The following PTPRT variants were observed in gnomAD, a reference collection of about 807,000 sequenced individuals.
PTPRT encodes the protein receptor-type tyrosine-protein phosphatase T.
PTPRT carries 56 observed loss-of-function variants against 176.8 expected under a neutral mutation model. That is an observed-to-expected ratio of 0.32 (90% CI 0.26 to 0.40). PTPRT has a LOEUF of 0.40. Ranked by LOEUF, PTPRT falls within the 10% of genes least tolerant of loss-of-function variation. The pLI, the probability that PTPRT is intolerant of heterozygous loss-of-function variation, is 1.00. For synonymous variants in PTPRT, 783 were observed against 739.0 expected, an observed-to-expected ratio of 1.06 and a Z score of -0.96; for missense variants, 1,540 against 1,908.2, an observed-to-expected ratio of 0.81 and a Z score of 3.60.
At chr20:42,970,415 C>T (rs534138872) in intron 1 of PTPRT, among the ~76,000 whole-genome samples, 1 of 152,126 alleles carries the variant, frequency 6.6e-6, no homozygotes, top group African/African-American at 2.4e-5. Context: ...CAAATTATCA[C>T]ATTTTCTCAC....
the PTPRT span, among the ~76,000 whole-genome samples, chr20:42,045,933 A>G: frequency 6.6e-6 from 1 of 152,210 alleles, no homozygotes; most frequent in South Asian, 2.1e-4. Context: ...AGTCTATTTT[A>G]GCAATACACT....
intron 8 of PTPRT, among the ~76,000 whole-genome samples, chr20:42,466,846 C>T (rs552346275): frequency 1.5e-3 from 227 of 152,114 alleles, no homozygotes; most frequent in African/African-American, 5.3e-3. Context: ...AAGTGGTTGG[C>T]CTCAGGTCTG....
At chr20:42,091,793 G>A (rs1020155074) in intron 27 of PTPRT, among the ~76,000 whole-genome samples, 12 of 149,272 alleles carry the variant, frequency 8.0e-5, no homozygotes, top group African/African-American at 3.1e-4. Context: ...GGGAGAAAGA[G>A]AGGGAGAGAG....
At chr20:42,634,142 A>T (rs1438084345) in intron 7 of PTPRT, among the ~76,000 whole-genome samples, 1 of 102,982 alleles carries the variant, frequency 9.7e-6, no homozygotes, top group Non-Finnish European at 1.8e-5. Flanking sequence ...AATTATATAT[A>T]ATATTATATA....
rs145224024 is a variant in PTPRT, at chr20:42,337,293, A to T, written c.1865+13335T>A. 1.4e-4 allele frequency among the ~76,000 whole-genome samples: 21 copies of T among 152,314 alleles called. No homozygotes were observed. In the East Asian group the frequency reaches 3.9e-3, roughly 28 times the overall value. On this transcript the variant is annotated intron_variant, in intron 11 of 30. Coordinates refer to ENST00000373187, the MANE Select transcript of PTPRT (RefSeq NM_007050.6). Reference sequence around the variant, plus strand: ...TTTCTTAGCAGAGCTATTGATGAAAATTATATGACAACAATGAAAAAATGT... The same window carrying T: ...TTTCTTAGCAGAGCTATTGATGAAATTTATATGACAACAATGAAAAAATGT...
At chr20:43,085,677 A>G (rs1302410655) in intron 1 of PTPRT, among the ~76,000 whole-genome samples, 1 of 152,168 alleles carries the variant, frequency 6.6e-6, no homozygotes, top group Non-Finnish European at 1.5e-5. Context: ...AGTTCTCATG[A>G]GACTTATCGA....
intron 1 of PTPRT, among the ~76,000 whole-genome samples, chr20:43,131,812 A>G (rs2013653834): frequency 6.6e-6 from 1 of 152,242 alleles, no homozygotes; most frequent in Admixed American, 6.5e-5. Context: ...ATAACGCATC[A>G]TGCTTTAATA....
chr20:42,858,975 G>A (rs2078612730), intron 2 of PTPRT, among the ~76,000 whole-genome samples: 1 of 152,178 alleles, frequency 6.6e-6, no homozygotes, highest in African/African-American at 2.4e-5. Context: ...GCCCAGCTGA[G>A]CACCCACCCT....
At chr20:43,128,256 G>A (rs1038470155) in intron 1 of PTPRT, among the ~76,000 whole-genome samples, 10 of 152,066 alleles carry the variant, frequency 6.6e-5, no homozygotes, top group South Asian at 2.1e-4. Context: ...GAACACTTAC[G>A]GACATAAAAA....
intron 8 of PTPRT, among the ~76,000 whole-genome samples, chr20:42,457,676 A>G (rs1393428266): frequency 1.3e-5 from 2 of 152,140 alleles, no homozygotes; most frequent in Non-Finnish European, 2.9e-5. Flanking sequence ...GTTCTGTCTG[A>G]CCTGTGGGGC....
intron 1 of PTPRT, among the ~76,000 whole-genome samples, chr20:43,174,310 A>G (rs1025873070): frequency 3.3e-5 from 5 of 152,226 alleles, no homozygotes; most frequent in African/African-American, 9.6e-5. Flanking sequence ...TTTGATGATC[A>G]TTATACCTAC....
At position 42,917,216 on chromosome 20, in the gene PTPRT, C is replaced by G. The variant is rs1282018941; in HGVS notation, c.89-31284G>C. Among the ~76,000 whole-genome samples the G allele has an allele frequency of 5.0e-4, 76 of 151,672 alleles. 1 individual carries two copies. The highest frequency in any genetic ancestry group is 1.6e-3 in the African/African-American group (67 of 41,018). On this transcript the variant is annotated intron_variant, in intron 1 of 30. Coordinates refer to ENST00000373187, the MANE Select transcript of PTPRT (RefSeq NM_007050.6). The stretch of plus-strand genomic sequence containing the variant: ...TTTCCCAGCACCATTTATTAAATAG[C>G]AAATCCTTTCCCCATTGCTTGTTTT...
chr20:42,178,427 T>C (rs1297786436), intron 16 of PTPRT, among the ~76,000 whole-genome samples: 1 of 152,178 alleles, frequency 6.6e-6, no homozygotes, highest in Non-Finnish European at 1.5e-5. Flanking sequence ...GTAATTCCTA[T>C]CTTCTTGTCT....
At chr20:42,604,371 G>A (rs892301437) in intron 7 of PTPRT, among the ~76,000 whole-genome samples, 2 of 152,180 alleles carry the variant, frequency 1.3e-5, no homozygotes, top group Admixed American at 1.3e-4. Context: ...TGAGATGGTG[G>A]GGCCATGCGA....
At chr20:42,997,798 C>T (rs1984306626) in intron 1 of PTPRT, among the ~76,000 whole-genome samples, 1 of 152,150 alleles carries the variant, frequency 6.6e-6, no homozygotes, top group African/African-American at 2.4e-5. Flanking sequence ...TCCAAAGTCA[C>T]ACAGCTAATA....
At chr20:43,176,832 C>T (rs2015134096) in intron 1 of PTPRT, among the ~76,000 whole-genome samples, 7 of 152,108 alleles carry the variant, frequency 4.6e-5, no homozygotes, top group Admixed American at 4.6e-4. Flanking sequence ...ATCCAACATG[C>T]TGATATAGAA....
intron 1 of PTPRT, among the ~76,000 whole-genome samples, chr20:42,930,834 C>G (rs1272314124): frequency 6.6e-6 from 1 of 152,152 alleles, no homozygotes; most frequent in Non-Finnish European, 1.5e-5. Flanking sequence ...AAACTTTATA[C>G]CATAGCTACC....
chr20:42,752,390 C>T (rs530308719), intron 6 of PTPRT, among the ~76,000 whole-genome samples: 5 of 152,144 alleles, frequency 3.3e-5, no homozygotes, highest in Non-Finnish European at 7.3e-5. Flanking sequence ...CAGCTGAGGC[C>T]CCAAGAGGTT....
In PTPRT at chr20:42,074,582, T is replaced by G. The variant is rs1424777999; in HGVS notation, c.*6297A>C. On this transcript the variant is annotated 3_prime_UTR_variant, in exon 31 of 31. Coordinates refer to ENST00000373187, the MANE Select transcript of PTPRT (RefSeq NM_007050.6). ...CCCATAATGATCAAGCCCCTAAAAC[T>G]CTTCCCAATAGATTTTCTTTCATCC... 6 of 392,204 alleles carry G rather than the reference T, an allele frequency of 1.5e-5. No individual in the cohort carries two copies. The East Asian group carries it at 2.2e-4, about 14-fold the overall frequency. The allele number at this position is 392,204 out of a possible 1,614,324, so 24.3% of individuals were successfully genotyped here. A position where few individuals can be genotyped will look rare whatever the true frequency, so the allele number is the denominator to read the frequency against.
Sources: gnomAD v4.1 joint callset for allele counts (sites outside exome capture counted in the v4.1 genomes callset) on GRCh38, gnomAD v4.1.1 for gene constraint, MANE v1.5 for transcripts, NCBI Gene and HGNC (gene_info 2026-07-23, HGNC 2026-07-21) for gene names.